DCLRE1C: variants seen among roughly 807,000 people sequenced by gnomAD.
DCLRE1C encodes protein artemis.
Under a neutral mutation model 61.4 loss-of-function variants are expected in DCLRE1C, and 47 were observed. The ratio of observed to expected loss-of-function variants is 0.77; its 90% CI spans 0.61 to 0.98. The LOEUF is 0.98. DCLRE1C is among the 50% of genes least tolerant of loss of function. The pLI is 0.00. For missense variants in DCLRE1C, 858 were observed against 816.0 expected (o/e 1.05, Z -0.63); for synonymous variants, 337 against 287.6 (o/e 1.17, Z -1.74).
rs1253283910 is a variant in DCLRE1C at position 14,906,022 on chromosome 10, T to G, written c.*2386A>C. Reference sequence around the variant, plus strand: ...AAAACTTCATGTTTCCTCTTGTGGTTTATGATTCTTGACGTAAAAACCAAG... The same window carrying G: ...AAAACTTCATGTTTCCTCTTGTGGTGTATGATTCTTGACGTAAAAACCAAG... On this transcript the variant is annotated 3_prime_UTR_variant, in exon 14 of 14. Coordinates refer to ENST00000378278, the MANE Select transcript of DCLRE1C (RefSeq NM_001033855.3). Among the ~76,000 whole-genome samples, 1 of 152,176 alleles carries G rather than the reference T, an allele frequency of 6.6e-6. No individual in the cohort carries two copies. The highest frequency in any genetic ancestry group is 1.9e-4 in the East Asian group (1 of 5,194).
At chr10:14,903,728 C>G (rs1167162086), downstream of DCLRE1C, 1 of 152,132 alleles carries the variant, frequency 6.6e-6, no homozygotes, top group African/African-American at 2.4e-5. Flanking sequence ...ATGTCTGATT[C>G]TGAGATTTCT....
rs1836780449 is a variant in DCLRE1C at position 14,919,694 on chromosome 10, T to G, written c.1156+44A>C. The G allele has an allele frequency of 3.4e-6, 5 of 1,475,630 alleles. No individual in the cohort carries two copies. The East Asian group carries it at 9.1e-5, about 27-fold the overall frequency. 91.4% of individuals were successfully genotyped at this position (1,475,630 alleles called of 1,614,324 possible). A position where few individuals can be genotyped will look rare whatever the true frequency, so the allele number is the denominator to read the frequency against. ...ACCCAAGCTCCCTGGAAAGCAGTGT[T>G]TGCAGGGAGCCCACCCCTCTGAACC... On this transcript the variant is annotated intron_variant, in intron 13 of 13. Transcript: ENST00000378278.
intron 4 of DCLRE1C, among the ~76,000 whole-genome samples, chr10:14,937,142 G>A (rs964809648): frequency 1.4e-4 from 22 of 152,142 alleles, no homozygotes; most frequent in African/African-American, 4.8e-4. Flanking sequence ...GGTTGCCGGG[G>A]GTTGGGGAAG....
exon 14 of DCLRE1C, chr10:14,898,198 G>GTTTTTTTTTTT (rs1833728015): frequency 4.7e-5 from 3 of 64,396 alleles, no homozygotes; most frequent in African/African-American, 6.9e-5. Context: ...AGGTAGTACT[G>GTTTTTTTTTTT]TTTCTTTTTT....
At chr10:14,925,162 G>A (rs182072762) in intron 11 of DCLRE1C, among the ~76,000 whole-genome samples, 4 of 147,432 alleles carry the variant, frequency 2.7e-5, no homozygotes, top group South Asian at 2.1e-4. Flanking sequence ...GCCCAACACC[G>A]ATTTGATTTG....
At chr10:14,913,045 CG>C (rs1835542566) in intron 13 of DCLRE1C, among the ~76,000 whole-genome samples, 3 of 151,098 alleles carry the variant, frequency 2.0e-5, no homozygotes, top group African/African-American at 7.3e-5. Flanking sequence ...TTAGTAGAGA[CG>C]GGGTTTCACC....
At chr10:14,902,516 T>C, downstream of DCLRE1C, 1 of 1,552,286 alleles carries the variant, frequency 6.4e-7, no homozygotes, top group Non-Finnish European at 8.7e-7. Context: ...CAACTGAACT[T>C]TTTCAGGAAA....
downstream of DCLRE1C, chr10:14,901,040 C>T (rs548087990): frequency 4.7e-6 from 7 of 1,493,648 alleles, no homozygotes; most frequent in African/African-American, 4.2e-5. Context: ...GGAACTTAAA[C>T]TAAATCTCTA....
intron 13 of DCLRE1C, chr10:14,899,377 C>G: frequency 2.6e-6 from 2 of 765,060 alleles, no homozygotes; most frequent in Non-Finnish European, 4.3e-6. Flanking sequence ...ATTTTCCCAC[C>G]TCTTTGCATC....
At chr10:14,911,369 A>G (rs1050576921) in intron 13 of DCLRE1C, 9 of 152,244 alleles carry the variant, frequency 5.9e-5, no homozygotes, top group African/African-American at 2.2e-4. Context: ...AGATCAAACT[A>G]TAAACATGCT....
chr10:14,916,841 G>T (rs1003221982), intron 13 of DCLRE1C, among the ~76,000 whole-genome samples: 6 of 152,284 alleles, frequency 3.9e-5, no homozygotes, highest in Middle Eastern at 3.4e-3. Context: ...TTGCCAAATT[G>T]ATCAACAGAT....
chr10:14,899,846 C>T (rs1833872361), downstream of DCLRE1C, among the ~76,000 whole-genome samples: 1 of 152,108 alleles, frequency 6.6e-6, no homozygotes, highest in Admixed American at 6.5e-5. Flanking sequence ...GGTATTATTG[C>T]TGTATTAGGA....
At chr10:14,937,987 T>G (rs563902712) in intron 4 of DCLRE1C, among the ~76,000 whole-genome samples, 1 of 151,218 alleles carries the variant, frequency 6.6e-6, no homozygotes, top group Non-Finnish European at 1.5e-5. Context: ...GGGCAAGACC[T>G]GCAGGCACTA....
At chr10:14,952,847 G>A (rs937616228) in intron 1 of DCLRE1C, among the ~76,000 whole-genome samples, 2 of 152,234 alleles carry the variant, frequency 1.3e-5, no homozygotes, top group South Asian at 2.1e-4. Flanking sequence ...GAGACATTTC[G>A]CAGAAGCAGT....
Position 14,953,650 on chromosome 10 carries a change from G to A in DCLRE1C, c.109+252C>T, listed in dbSNP as rs188156576. 4.4e-3 allele frequency among the ~76,000 whole-genome samples: 676 copies of A among 152,328 alleles called. 2 individuals are homozygous for A. Among genetic ancestry groups the A allele is most frequent in the Non-Finnish European group, 6.7e-3 (454 of 68,028 alleles). ...TCGGCCACCAGCAAAGCTACCAAGAGAAACTACTAGCAGTGCTTGACCAAG... is the reference window on the plus strand; with the variant it reads ...TCGGCCACCAGCAAAGCTACCAAGAAAAACTACTAGCAGTGCTTGACCAAG... On this transcript the variant is annotated intron_variant, in intron 1 of 13. Transcript: ENST00000378278.
chr10:14,930,831 C>T (rs1177627784), intron 9 of DCLRE1C, among the ~76,000 whole-genome samples: 2 of 152,148 alleles, frequency 1.3e-5, no homozygotes, highest in African/African-American at 2.4e-5. Flanking sequence ...CATACATGCA[C>T]ACAAAGTGAA....
In DCLRE1C at chr10:14,935,494, CA is replaced by C; in HGVS notation, c.432del (p.Ala145LeufsTer39). 6.2e-7 allele frequency: 1 copy of C among 1,614,042 alleles called. No homozygotes were observed. On this transcript the variant is annotated frameshift_variant, in exon 6 of 14. Transcript: ENST00000378278. LOFTEE classifies it high-confidence loss of function. ...CCGGAGTGCAGAAGCTCCATTCTAG[CA>C]GCTTCTCCTTGCGCCAATCTGAAGT... is the stretch of plus-strand genomic sequence containing the variant. ...TGDFRLAQGEAARMELLHSGG... is the reference protein window; with the variant it reads ...TGDFRLAQGEXARMELLHSGG...
rs1205773719 is a variant in DCLRE1C, at chr10:14,908,408, T to G, written c.2079A>C (p.Ter693TyrextTer18). ...CTCTAGGTTGAAACGCTTTGAATTCTTAGGTATCTAAGAGTGAGCATTTTC... is the reference window on the plus strand; with the variant it reads ...CTCTAGGTTGAAACGCTTTGAATTCGTAGGTATCTAAGAGTGAGCATTTTC... The part of the protein sequence containing the change: ...KKRKCSLLDT[*>Y] The change falls in exon 14 of 14, where the codon TAA (stop) becomes TAC (tyrosine). Residue 693 changes from the stop codon to tyrosine (Y), a stop_lost. Coordinates refer to ENST00000378278, the MANE Select transcript of DCLRE1C (RefSeq NM_001033855.3). 6.2e-7 allele frequency: 1 copy of G among 1,612,212 alleles called. No homozygotes were observed. Among genetic ancestry groups the G allele is most frequent in the Non-Finnish European group, 8.5e-7 (1 of 1,178,624 alleles).
chr10:14,942,656 G>T (rs1010352521), intron 3 of DCLRE1C, among the ~76,000 whole-genome samples: 3 of 152,216 alleles, frequency 2.0e-5, no homozygotes, highest in African/African-American at 7.2e-5. Flanking sequence ...GGGGACAGAA[G>T]TGTTTCCTGT....
Sources: gnomAD v4.1 joint callset for allele counts (sites outside exome capture counted in the v4.1 genomes callset) on GRCh38, gnomAD v4.1.1 for gene constraint, MANE v1.5 for transcripts, NCBI Gene and HGNC (gene_info 2026-07-23, HGNC 2026-07-21) for gene names.